BRINP3: variants seen among roughly 807,000 people sequenced by gnomAD.
BRINP3 encodes BMP/retinoic acid-inducible neural-specific protein 3.
In BRINP3, 19 loss-of-function variants were observed where a neutral mutation model predicts 71.0. That is an observed-to-expected ratio of 0.27 (90% CI 0.19 to 0.39). The LOEUF (loss-of-function observed/expected upper bound fraction) is 0.39. Among genes scored for constraint, BRINP3 ranks in the 10% least tolerant of loss-of-function variants. The probability of loss-of-function intolerance (pLI) is 1.00; values close to 1 mark genes in which losing one functional copy is unlikely to be tolerated. For missense variants in BRINP3, 959 were observed against 940.8 expected, an observed-to-expected ratio of 1.02 and a Z score of -0.25; for synonymous variants, 380 against 337.7, an observed-to-expected ratio of 1.13 and a Z score of -1.37.
At position 190,358,114 on chromosome 1, in the gene BRINP3, T is replaced by C. The variant is rs138206818; in HGVS notation, c.237-76364A>G. ...CACAGGCATGGGCAAGGACTTCATGTCTAAAACACCAAAAGCAATGGCAAC... is the reference window on the plus strand; with the variant it reads ...CACAGGCATGGGCAAGGACTTCATGCCTAAAACACCAAAAGCAATGGCAAC... On this transcript the variant is annotated intron_variant, in intron 2 of 7. Coordinates refer to ENST00000367462, the MANE Select transcript of BRINP3 (RefSeq NM_199051.3). Among the ~76,000 whole-genome samples, 117 of 152,110 alleles carry C rather than the reference T, an allele frequency of 7.7e-4. 1 individual carries two copies. The highest frequency in any genetic ancestry group is 2.5e-3 in the African/African-American group (103 of 41,516).
chr1:190,303,405 C>T (rs567160449), intron 2 of BRINP3, among the ~76,000 whole-genome samples: 48 of 150,994 alleles, frequency 3.2e-4, no homozygotes, highest in Non-Finnish European at 5.6e-4. Context: ...TCCAAATAGG[C>T]AATACAGAAG....
chr1:190,332,310 C>A (rs1220502202), intron 2 of BRINP3, among the ~76,000 whole-genome samples: 1 of 152,050 alleles, frequency 6.6e-6, no homozygotes, highest in African/African-American at 2.4e-5. Context: ...CCCAATGAAG[C>A]AGCACATCCT....
At chr1:190,318,916 T>A (rs1019339137) in intron 2 of BRINP3, among the ~76,000 whole-genome samples, 1 of 152,132 alleles carries the variant, frequency 6.6e-6, no homozygotes, top group African/African-American at 2.4e-5. Context: ...ATCTATATAT[T>A]TTGTTCGGAT....
At chr1:190,451,133 C>T (rs764874568) in intron 2 of BRINP3, among the ~76,000 whole-genome samples, 5 of 151,672 alleles carry the variant, frequency 3.3e-5, no homozygotes, top group Non-Finnish European at 7.4e-5. Flanking sequence ...CATCATTTTC[C>T]CAATAATTCA....
At chr1:190,309,508 T>C (rs1349448346) in intron 2 of BRINP3, among the ~76,000 whole-genome samples, 1 of 151,850 alleles carries the variant, frequency 6.6e-6, no homozygotes, top group Admixed American at 6.6e-5. Flanking sequence ...CGGCATATAT[T>C]GAATAGTTTT....
intron 2 of BRINP3, among the ~76,000 whole-genome samples, chr1:190,321,480 A>G (rs1189587132): frequency 6.6e-6 from 1 of 152,132 alleles, no homozygotes; most frequent in East Asian, 1.9e-4. Flanking sequence ...TAAAAATGAG[A>G]CTTCTATATA....
intron 2 of BRINP3, among the ~76,000 whole-genome samples, chr1:190,421,497 T>C (rs2102461356): frequency 6.6e-6 from 1 of 151,558 alleles, no homozygotes; most frequent in African/African-American, 2.4e-5. Context: ...TAACTATATA[T>C]AACTATGACC....
At chr1:190,171,101 A>T (rs1156460208) in intron 6 of BRINP3, among the ~76,000 whole-genome samples, 3 of 152,168 alleles carry the variant, frequency 2.0e-5, no homozygotes, top group Non-Finnish European at 4.4e-5. Flanking sequence ...ATCCAGAGCT[A>T]AAGTGAAGGT....
At chr1:190,460,527 C>G (rs1169935294) in intron 1 of BRINP3, among the ~76,000 whole-genome samples, 1 of 151,818 alleles carries the variant, frequency 6.6e-6, no homozygotes, top group Admixed American at 6.6e-5. Context: ...ATGTAGAAAA[C>G]CAGAATAAAA....
chr1:190,241,602 T>C (rs536565988), intron 4 of BRINP3, among the ~76,000 whole-genome samples: 3 of 152,214 alleles, frequency 2.0e-5, no homozygotes, highest in South Asian at 4.1e-4. Context: ...ATGAATGTAC[T>C]GGTTAATATG....
rs566190133 is a variant in BRINP3, at chr1:190,445,391, A to C, written c.236+9264T>G. On this transcript the variant is annotated intron_variant, in intron 2 of 7. Transcript: ENST00000367462. The stretch of plus-strand genomic sequence containing the variant: ...ATTAGGACTAATTTATTTAAACTCG[A>C]TTAAAAAATATTGTCAGCATTGCTA... 7.2e-5 allele frequency among the ~76,000 whole-genome samples: 11 copies of C among 152,304 alleles called. No individual in the cohort carries two copies. The East Asian group carries it at 1.5e-3, about 21-fold the overall frequency.
chr1:190,260,858 A>G (rs915327551), intron 4 of BRINP3, among the ~76,000 whole-genome samples: 1 of 152,022 alleles, frequency 6.6e-6, no homozygotes, highest in Non-Finnish European at 1.5e-5. Flanking sequence ...GTTAATTGTA[A>G]TATACTGTTT....
chr1:190,430,021 A>G (rs541992619), intron 2 of BRINP3, among the ~76,000 whole-genome samples: 1 of 152,296 alleles, frequency 6.6e-6, no homozygotes, highest in African/African-American at 2.4e-5. Context: ...GAAATATTTT[A>G]TATCTATAGA....
chr1:190,472,427 T>G (rs1254718857), intron 1 of BRINP3, among the ~76,000 whole-genome samples: 1 of 151,682 alleles, frequency 6.6e-6, no homozygotes, highest in Non-Finnish European at 1.5e-5. Context: ...TCCAAAAATC[T>G]TTGGGATATT....
At chr1:190,344,470 A>G (rs975499208) in intron 2 of BRINP3, among the ~76,000 whole-genome samples, 2 of 151,774 alleles carry the variant, frequency 1.3e-5, no homozygotes, top group African/African-American at 2.4e-5. Context: ...CAGTGCAAAC[A>G]TAAGTAGCAA....
At chr1:190,381,621 C>G (rs1159046636) in intron 2 of BRINP3, among the ~76,000 whole-genome samples, 1 of 151,718 alleles carries the variant, frequency 6.6e-6, no homozygotes, top group Non-Finnish European at 1.5e-5. Context: ...TCTTTTTAGC[C>G]CAAATCATAA....
At chr1:190,273,964 C>G (rs1662335402) in intron 3 of BRINP3, among the ~76,000 whole-genome samples, 1 of 151,494 alleles carries the variant, frequency 6.6e-6, no homozygotes, top group African/African-American at 2.4e-5. Context: ...CAACTATGAG[C>G]AGTTCATGAT....
intron 7 of BRINP3, among the ~76,000 whole-genome samples, chr1:190,128,957 C>G (rs1313984871): frequency 1.3e-5 from 2 of 151,622 alleles, no homozygotes; most frequent in Non-Finnish European, 3.0e-5. Flanking sequence ...ATTTTAAAAT[C>G]TTACAGATAT....
chr1:190,410,764 T>G (rs960607342), intron 2 of BRINP3, among the ~76,000 whole-genome samples: 3 of 151,998 alleles, frequency 2.0e-5, no homozygotes, highest in Non-Finnish European at 4.4e-5. Flanking sequence ...AAAGGTAAAG[T>G]AGGGAGAGGA....
Sources: gnomAD v4.1 joint callset for allele counts (sites outside exome capture counted in the v4.1 genomes callset) on GRCh38, gnomAD v4.1.1 for gene constraint, MANE v1.5 for transcripts, NCBI Gene and HGNC (gene_info 2026-07-23, HGNC 2026-07-21) for gene names.